Variants in CYTIP observed in about 807,000 individuals in gnomAD.
CYTIP encodes the protein cytohesin-interacting protein.
CYTIP carries 26 observed loss-of-function variants against 43.8 expected under a neutral mutation model. The observed-to-expected ratio is 0.59, with a 90% CI of 0.44 to 0.82. The LOEUF (loss-of-function observed/expected upper bound fraction) is 0.82. Among genes scored for constraint, CYTIP ranks in the 40% least tolerant of loss-of-function variants. CYTIP has a pLI of 0.00. For synonymous variants in CYTIP, 162 were observed against 162.9 expected, an observed-to-expected ratio of 0.99 and a Z score of 0.04; for missense variants, 426 against 443.1, an observed-to-expected ratio of 0.96 and a Z score of 0.35.
chr2:157,427,293 T>A, intron 6 of CYTIP, 58 bp downstream of exon 6: 2 of 1,401,592 alleles, frequency 1.4e-6, no homozygotes, highest in Admixed American at 2.1e-5. Flanking sequence ...AGATCTTTAT[T>A]TTACCACTCA....
intron 6 of CYTIP, among the ~76,000 whole-genome samples, chr2:157,422,467 C>T (rs147707238): frequency 6.5e-4 from 99 of 152,016 alleles, no homozygotes; most frequent in Non-Finnish European, 8.5e-4. Context: ...CAGGAGTTCG[C>T]GACCAGCCTG....
chr2:157,418,542 CT>C lies in CYTIP; in HGVS notation c.593del (p.Gln198ArgfsTer53). 6.3e-7 allele frequency: 1 copy of C among 1,594,134 alleles called. No individual in the cohort carries two copies. Reference protein sequence around the residue: ...KWVEYRSLQLQEHRLLHGDAA... With the variant: ...KWVEYRSLQLXEHRLLHGDAA... The stretch of plus-strand genomic sequence containing the variant: ...ATTTACCATGAAGCAGACGATGTTC[CT>C]GTAACTGCAGAGATCTGTACTCCAC... On this transcript the variant is annotated frameshift_variant, in exon 7 of 8. Transcript: ENST00000264192. LOFTEE classifies it high-confidence loss of function.
chr2:157,424,543 G>C (rs1416517302), intron 6 of CYTIP, among the ~76,000 whole-genome samples: 1 of 151,972 alleles, frequency 6.6e-6, no homozygotes, highest in African/African-American at 2.4e-5. Flanking sequence ...TGTGCAATCA[G>C]AGCCAGGAAT....
intron 7 of CYTIP, among the ~76,000 whole-genome samples, chr2:157,416,418 C>G (rs1246709530): frequency 6.6e-6 from 1 of 152,098 alleles, no homozygotes; most frequent in Non-Finnish European, 1.5e-5. Flanking sequence ...CATATGAGAA[C>G]AGTTCAGCCC....
At position 157,415,431 on chromosome 2, in the gene CYTIP, C is replaced by T. The variant is rs1325757519; in HGVS notation, c.*246G>A. ...AAGACATTACTGGAATGAGCAGGAACCTGCATCTTTGTTATATTAATTAAC... is the reference window on the plus strand; with the variant it reads ...AAGACATTACTGGAATGAGCAGGAATCTGCATCTTTGTTATATTAATTAAC... On this transcript the variant is annotated 3_prime_UTR_variant, in exon 8 of 8. Transcript: ENST00000264192. 2.5e-6 allele frequency: 1 copy of T among 404,872 alleles called. No homozygotes were observed. Among genetic ancestry groups the T allele is most frequent in the Non-Finnish European group, 4.5e-6 (1 of 223,020 alleles). The allele number at this position is 404,872 out of a possible 1,614,324, so 25.1% of individuals were successfully genotyped here. A position where few individuals can be genotyped will look rare whatever the true frequency, so the allele number is the denominator to read the frequency against.
At chr2:157,431,821 G>A (rs2105141429) in intron 3 of CYTIP, among the ~76,000 whole-genome samples, 1 of 152,152 alleles carries the variant, frequency 6.6e-6, no homozygotes, top group Middle Eastern at 3.4e-3. Context: ...GTACTTCCTT[G>A]TGAAAAAATT....
intron 7 of CYTIP, among the ~76,000 whole-genome samples, chr2:157,417,305 T>C (rs768058352): frequency 1.7e-4 from 26 of 152,194 alleles, no homozygotes; most frequent in Non-Finnish European, 3.5e-4. Flanking sequence ...AATTGCCTTA[T>C]AGAATCACAT....
chr2:157,421,506 T>C (rs1002106221), intron 6 of CYTIP, among the ~76,000 whole-genome samples: 6 of 152,210 alleles, frequency 3.9e-5, no homozygotes, highest in Admixed American at 1.3e-4. Flanking sequence ...CGAAAATGAA[T>C]ATTCAATGTA....
chr2:157,437,126 T>C lies in CYTIP; in HGVS notation c.175-2379A>G, dbSNP rs1461215454. Among the ~76,000 whole-genome samples, 4 of 151,870 alleles carry C rather than the reference T, an allele frequency of 2.6e-5. No homozygotes were observed. The East Asian group carries it at 7.7e-4, about 29-fold the overall frequency. Reference sequence around the variant, plus strand: ...ACAATAAAACTACTGGAATAAAACATAGGGGAAAGGCTTTAGCATATTGGA... The same window carrying C: ...ACAATAAAACTACTGGAATAAAACACAGGGGAAAGGCTTTAGCATATTGGA... On this transcript the variant is annotated intron_variant, in intron 1 of 7. Coordinates refer to ENST00000264192, the MANE Select transcript of CYTIP (RefSeq NM_004288.5).
chr2:157,435,256 T>C (rs1685792688), intron 1 of CYTIP, among the ~76,000 whole-genome samples: 1 of 152,164 alleles, frequency 6.6e-6, no homozygotes, highest in Admixed American at 6.5e-5. Flanking sequence ...GAGATGATGA[T>C]GAAATGACAG....
chr2:157,432,648 A>G (rs181675862), intron 3 of CYTIP, among the ~76,000 whole-genome samples: 8 of 152,306 alleles, frequency 5.3e-5, no homozygotes, highest in Non-Finnish European at 1.0e-4. Flanking sequence ...TAAGCAGCAT[A>G]AAACTAGCTC....
intron 1 of CYTIP, among the ~76,000 whole-genome samples, chr2:157,441,105 T>G (rs1685902017): frequency 6.6e-6 from 1 of 152,028 alleles, no homozygotes; most frequent in East Asian, 1.9e-4. Flanking sequence ...AATTTGAAAC[T>G]ACAAGCTAAC....
chr2:157,426,900 G>T (rs1341870279), intron 6 of CYTIP, among the ~76,000 whole-genome samples: 2 of 152,166 alleles, frequency 1.3e-5, no homozygotes, highest in Admixed American at 6.5e-5. Context: ...CAGATTCAAG[G>T]ACAGTCACAG....
At chr2:157,419,538 C>A (rs1243211381) in intron 6 of CYTIP, among the ~76,000 whole-genome samples, 3 of 152,180 alleles carry the variant, frequency 2.0e-5, no homozygotes, top group African/African-American at 7.2e-5. Flanking sequence ...CTAAAACAAA[C>A]CAGGCAGAAG....
intron 6 of CYTIP, among the ~76,000 whole-genome samples, chr2:157,424,000 T>G (rs1009625051): frequency 2.0e-5 from 3 of 152,178 alleles, no homozygotes; most frequent in Non-Finnish European, 2.9e-5. Flanking sequence ...CTCCTTAATC[T>G]GAAAGATAGC....
At chr2:157,442,779 A>C (rs1358946667) in intron 1 of CYTIP, among the ~76,000 whole-genome samples, 1 of 152,202 alleles carries the variant, frequency 6.6e-6, no homozygotes, top group East Asian at 1.9e-4. Flanking sequence ...CTGAAAAAAG[A>C]TCATGTCTCT....
In CYTIP at chr2:157,421,799, G is replaced by C. The variant is rs142196010; in HGVS notation, c.547-3210C>G. Among the ~76,000 whole-genome samples, 244 of 152,248 alleles carry C rather than the reference G, an allele frequency of 1.6e-3. 1 individual carries two copies. The highest frequency in any genetic ancestry group is 5.7e-3 in the African/African-American group (237 of 41,548). On this transcript the variant is annotated intron_variant, in intron 6 of 7. Coordinates refer to ENST00000264192, the MANE Select transcript of CYTIP (RefSeq NM_004288.5). ...GGGAAACCAGCCTGACCTTGGCTAT[G>C]GGTCAGACCAAGACATTTTTGGCTC...
At chr2:157,428,757 A>G (rs1334359763) in intron 5 of CYTIP, among the ~76,000 whole-genome samples, 1 of 152,168 alleles carries the variant, frequency 6.6e-6, no homozygotes, top group Admixed American at 6.5e-5. Flanking sequence ...AAAGCACCTC[A>G]TCCTTTACCC....
chr2:157,426,756 C>T (rs1346412625), intron 6 of CYTIP, among the ~76,000 whole-genome samples: 1 of 152,146 alleles, frequency 6.6e-6, no homozygotes, highest in East Asian at 1.9e-4. Context: ...CTCATCAGCC[C>T]AGAAAACTGA....
Sources: allele counts gnomAD v4.1 joint callset (sites outside exome capture counted in the v4.1 genomes callset), GRCh38; gene constraint gnomAD v4.1.1; transcripts MANE v1.5; gene names NCBI Gene and HGNC (gene_info 2026-07-23, HGNC 2026-07-21).